DGKB: variants seen among roughly 807,000 people sequenced by gnomAD.
DGKB encodes the protein 90 kDa diacylglycerol kinase.
In DGKB, 67 loss-of-function variants were observed where a neutral mutation model predicts 114.3. The ratio of observed to expected loss-of-function variants is 0.59; its 90% CI spans 0.48 to 0.72. DGKB has a LOEUF of 0.72. Among genes scored for constraint, DGKB ranks in the 30% least tolerant of loss-of-function variants. DGKB has a pLI of 0.00. For synonymous variants in DGKB, 398 were observed against 323.1 expected (o/e 1.23, Z -2.49); for missense variants, 907 against 975.2 (o/e 0.93, Z 0.93).
intron 1 of DGKB, among the ~76,000 whole-genome samples, chr7:14,874,947 C>A (rs532276356): frequency 1.1e-4 from 16 of 151,822 alleles, no homozygotes; most frequent in Admixed American, 3.9e-4. Flanking sequence ...GCTAGCGTAA[C>A]GGGGAAGTAA....
chr7:14,223,167 C>A (rs1790265645), intron 23 of DGKB, among the ~76,000 whole-genome samples: 1 of 151,578 alleles, frequency 6.6e-6, no homozygotes, highest in African/African-American at 2.4e-5. Context: ...TCATGTCTGC[C>A]ATCTTAATTT....
chr7:14,674,562 C>G (rs1819537100), intron 12 of DGKB, among the ~76,000 whole-genome samples: 1 of 152,028 alleles, frequency 6.6e-6, no homozygotes, highest in Admixed American at 6.6e-5. Flanking sequence ...ATGCTGAAGT[C>G]CTAACTTCTG....
rs1040186957 is a variant in DGKB, at chr7:14,368,368, C to T, written c.1836-22977G>A. Among the ~76,000 whole-genome samples, 9 of 152,228 alleles carry T rather than the reference C, an allele frequency of 5.9e-5. No individual in the cohort carries two copies. The East Asian group carries it at 1.5e-3, about 26-fold the overall frequency. Reference sequence around the variant, plus strand: ...CACTGCTTTAAAAATCCTCTGTGTTCCACCAACTCATCCAGATTTTTTTAG... The same window carrying T: ...CACTGCTTTAAAAATCCTCTGTGTTTCACCAACTCATCCAGATTTTTTTAG... On this transcript the variant is annotated intron_variant, in intron 21 of 25. Coordinates refer to ENST00000402815, the MANE Select transcript of DGKB (RefSeq NM_001350709.2).
chr7:14,834,294 G>T (rs1414962095), intron 2 of DGKB, among the ~76,000 whole-genome samples: 1 of 152,092 alleles, frequency 6.6e-6, no homozygotes, highest in Non-Finnish European at 1.5e-5. Context: ...AAAGTATAAA[G>T]AAATTGTGAT....
intron 4 of DGKB, among the ~76,000 whole-genome samples, chr7:14,747,775 G>GCGCGCGCA: frequency 4.7e-5 from 7 of 149,276 alleles, no homozygotes; most frequent in African/African-American, 1.8e-4. Context: ...ACATCCACGC[G>GCGCGCGCA]CACGCACACA....
chr7:14,392,997 T>TTTTGTTTTTTTTTTTTTTTTTTG lies in DGKB; in HGVS notation c.1836-47607_1836-47606insCAAAAAAAAAAAAAAAAAACAAA, dbSNP rs1194161555. On this transcript the variant is annotated intron_variant, in intron 21 of 25. Transcript: ENST00000402815. ...AAACAGACCTGTTTTTTGTTTTTGT[T>TTTTGTTTTTTTTTTTTTTTTTTG]TTTTTTTTTTTGAGACGGAGTCTCG... is the stretch of plus-strand genomic sequence containing the variant. Among the ~76,000 whole-genome samples the TTTTGTTTTTTTTTTTTTTTTTTG allele has an allele frequency of 4.6e-5, 4 of 87,586 alleles. 1 individual carries two copies. Among genetic ancestry groups the TTTTGTTTTTTTTTTTTTTTTTTG allele is most frequent in the Non-Finnish European group, 1.0e-4 (4 of 39,636 alleles). The allele number at this position is 87,586 out of a possible 152,430, so 57.5% of individuals were successfully genotyped here. A position where few individuals can be genotyped will look rare whatever the true frequency, so the allele number is the denominator to read the frequency against.
At position 14,176,694 on chromosome 7, in the gene DGKB, G is replaced by A. The variant is rs921858196; in HGVS notation, c.2304+145C>T. On this transcript the variant is annotated intron_variant, in intron 25 of 25. Coordinates refer to ENST00000402815, the MANE Select transcript of DGKB (RefSeq NM_001350709.2). The stretch of plus-strand genomic sequence containing the variant: ...TCTACAACCTAAATGTAGTGGCTCT[G>A]ACACACACATAACAACAACAACAAA... The A allele has an allele frequency of 2.0e-5, 30 of 1,479,964 alleles. No individual in the cohort carries two copies. The African/African-American group carries it at 3.8e-4, about 19-fold the overall frequency. The allele number at this position is 1,479,964 out of a possible 1,614,324, so 91.7% of individuals were successfully genotyped here. A position where few individuals can be genotyped will look rare whatever the true frequency, so the allele number is the denominator to read the frequency against.
intron 25 of DGKB, among the ~76,000 whole-genome samples, chr7:14,170,652 A>G (rs1264509299): frequency 6.6e-6 from 1 of 152,226 alleles, no homozygotes; most frequent in Admixed American, 6.5e-5. Context: ...AAGCGATTAA[A>G]GAGTAACTAA....
At chr7:14,759,332 C>T (rs534165607) in intron 2 of DGKB, among the ~76,000 whole-genome samples, 191 of 152,266 alleles carry the variant, frequency 1.3e-3, no homozygotes, top group African/African-American at 4.5e-3. Context: ...TGATGTTGTG[C>T]AATCATTACC....
chr7:14,157,354 T>C (rs1043086589), intron 25 of DGKB, among the ~76,000 whole-genome samples: 5 of 141,474 alleles, frequency 3.5e-5, no homozygotes, highest in African/African-American at 1.3e-4. Context: ...AACATAACAA[T>C]TTTCTAAAAT....
At chr7:14,183,194 G>T (rs1782895162) in intron 23 of DGKB, among the ~76,000 whole-genome samples, 1 of 152,130 alleles carries the variant, frequency 6.6e-6, no homozygotes, top group African/African-American at 2.4e-5. Flanking sequence ...TGAGGACCAA[G>T]AATAAACTTT....
At chr7:14,270,730 A>T (rs1017351718) in intron 23 of DGKB, among the ~76,000 whole-genome samples, 7 of 152,364 alleles carry the variant, frequency 4.6e-5, no homozygotes, top group African/African-American at 1.4e-4. Flanking sequence ...CTCATTTACT[A>T]AATAGATGTC....
At chr7:14,796,055 G>A (rs546527421) in intron 2 of DGKB, among the ~76,000 whole-genome samples, 1 of 152,130 alleles carries the variant, frequency 6.6e-6, no homozygotes, top group South Asian at 2.1e-4. Context: ...TGCTAAAATG[G>A]AAGTAAGAAC....
intron 21 of DGKB, among the ~76,000 whole-genome samples, chr7:14,402,898 A>C (rs781162177): frequency 2.6e-5 from 4 of 151,952 alleles, no homozygotes; most frequent in Non-Finnish European, 5.9e-5. Flanking sequence ...ATTCTGTCTG[A>C]GTTCCTAGCC....
chr7:14,442,176 C>T (rs1341470273), intron 21 of DGKB, among the ~76,000 whole-genome samples: 2 of 151,936 alleles, frequency 1.3e-5, no homozygotes, highest in Non-Finnish European at 2.9e-5. Flanking sequence ...AAGGGGTGAA[C>T]TGATTCTTAA....
intron 20 of DGKB, among the ~76,000 whole-genome samples, chr7:14,492,412 T>C (rs181011434): frequency 7.2e-4 from 110 of 152,146 alleles, no homozygotes; most frequent in African/African-American, 2.6e-3. Flanking sequence ...ATATAAGATA[T>C]TGCATTGGTG....
intron 23 of DGKB, among the ~76,000 whole-genome samples, chr7:14,188,410 C>G (rs567433002): frequency 5.0e-5 from 6 of 120,682 alleles, no homozygotes; most frequent in Non-Finnish European, 1.1e-4. Flanking sequence ...CCTGTAATCC[C>G]AGCACTTTGG....
chr7:14,922,375 C>T (rs1396238232), intron 1 of DGKB, among the ~76,000 whole-genome samples: 4 of 118,282 alleles, frequency 3.4e-5, no homozygotes, highest in South Asian at 6.5e-4. Flanking sequence ...GTGTATCCAT[C>T]GTGTGTGTGT....
chr7:14,424,671 G>T (rs1452541221), intron 21 of DGKB, among the ~76,000 whole-genome samples: 2 of 151,996 alleles, frequency 1.3e-5, no homozygotes, highest in East Asian at 3.9e-4. Flanking sequence ...TTCAAACCGG[G>T]TCTCCGGATT....
Sources: gnomAD v4.1 joint callset for allele counts (sites outside exome capture counted in the v4.1 genomes callset) on GRCh38, gnomAD v4.1.1 for gene constraint, MANE v1.5 for transcripts, NCBI Gene and HGNC (gene_info 2026-07-23, HGNC 2026-07-21) for gene names.